Variants in SRGAP3 observed in about 807,000 individuals in gnomAD.
SRGAP3 encodes the protein SLIT-ROBO Rho GTPase-activating protein 3.
Under a neutral mutation model 121.1 loss-of-function variants are expected in SRGAP3, and 39 were observed. The observed-to-expected ratio is 0.32, with a 90% CI of 0.25 to 0.42. The LOEUF is 0.42. SRGAP3 is among the 10% of genes least tolerant of loss of function. SRGAP3 has a pLI of 1.00. For missense variants in SRGAP3, 1,213 were observed against 1,470.6 expected (o/e 0.82, Z 2.86); for synonymous variants, 601 against 570.0 (o/e 1.05, Z -0.77).
chr3:9,355,276 A>G (rs1351104346), intron 1 of SRGAP3, among the ~76,000 whole-genome samples: 1 of 152,212 alleles, frequency 6.6e-6, no homozygotes, highest in Non-Finnish European at 1.5e-5. Flanking sequence ...AGATATCATC[A>G]TCTCTCACTT....
At chr3:9,196,076 A>T (rs1951907090) in intron 1 of SRGAP3, among the ~76,000 whole-genome samples, 1 of 152,236 alleles carries the variant, frequency 6.6e-6, no homozygotes, top group South Asian at 2.1e-4. Context: ...AGCTTTCTGC[A>T]GGAGGTGGGA....
At position 9,032,757 on chromosome 3, in the gene SRGAP3, G is replaced by C; in HGVS notation, c.1437-5C>G. ...TTAGGGGGAAGACAGGGGGGCCTAG[G>C]GGAAAACGGAACAAAAGAAATCAAG... is the stretch of plus-strand genomic sequence containing the variant. On this transcript the variant is annotated splice_region_variant and splice_polypyrimidine_tract_variant and intron_variant, in intron 11 of 21. Transcript: ENST00000383836. 1 of 1,612,920 alleles carries C rather than the reference G, an allele frequency of 6.2e-7. No individual in the cohort carries two copies. The highest frequency in any genetic ancestry group is 8.5e-7 in the Non-Finnish European group (1 of 1,179,198).
At chr3:9,232,938 T>C (rs1376872976) in intron 1 of SRGAP3, among the ~76,000 whole-genome samples, 1 of 152,202 alleles carries the variant, frequency 6.6e-6, no homozygotes, top group Middle Eastern at 3.2e-3. Flanking sequence ...CAGCTACCCA[T>C]GCTGCCAACT....
chr3:9,184,318 G>A (rs1951526936), intron 1 of SRGAP3, among the ~76,000 whole-genome samples: 1 of 152,142 alleles, frequency 6.6e-6, no homozygotes. Context: ...AAGGGGATTA[G>A]ACATAGAGAC....
At chr3:8,986,496 T>A (rs2124904339) in intron 21 of SRGAP3, among the ~76,000 whole-genome samples, 1 of 152,360 alleles carries the variant, frequency 6.6e-6, no homozygotes, top group East Asian at 1.9e-4. Context: ...AGGTAGGAAC[T>A]ACCTTTATGC....
At chr3:9,131,986 G>A (rs962937054) in intron 1 of SRGAP3, among the ~76,000 whole-genome samples, 7 of 152,152 alleles carry the variant, frequency 4.6e-5, no homozygotes, top group African/African-American at 7.2e-5. Flanking sequence ...CAAACAGCCC[G>A]TGTGACCCAC....
intron 1 of SRGAP3, among the ~76,000 whole-genome samples, chr3:9,243,062 A>G (rs1342037259): frequency 6.6e-6 from 1 of 152,200 alleles, no homozygotes; most frequent in African/African-American, 2.4e-5. Context: ...AAAGATGACC[A>G]TAAGCCTCTC....
rs1945936614 is a variant in SRGAP3 at position 9,058,309 on chromosome 3, C to G, written c.965G>C (p.Cys322Ser). The change falls in exon 7 of 22, where the codon TGC (cysteine) becomes TCC (serine). Residue 322 changes from cysteine to serine, a missense_variant. Around this residue, in one of 2 missense-constraint regions of SRGAP3, gnomAD observed 793 missense variants for 1,032.9 expected, o/e 0.77. Coordinates refer to ENST00000383836, the MANE Select transcript of SRGAP3 (RefSeq NM_014850.4). ...RSDKHTVMDM[C>S]NQVFCPPLKF... is the part of the protein sequence containing the mutation. ...GAGTGGAGGGCAGAAGACTTGATTG[C>G]ACATGTCCATGACTGTGTGCTTGTC... 6.2e-7 allele frequency: 1 copy of G among 1,614,132 alleles called. No homozygotes were observed. The highest frequency in any genetic ancestry group is 1.3e-5 in the African/African-American group (1 of 74,942).
At chr3:9,345,308 C>G (rs1205373170) in intron 1 of SRGAP3, among the ~76,000 whole-genome samples, 1 of 151,338 alleles carries the variant, frequency 6.6e-6, no homozygotes, top group Non-Finnish European at 1.5e-5. Flanking sequence ...CTGGACAAAA[C>G]AGGGAGACAC....
chr3:9,153,970 C>T (rs771044678), intron 1 of SRGAP3, among the ~76,000 whole-genome samples: 28 of 152,056 alleles, frequency 1.8e-4, no homozygotes, highest in Non-Finnish European at 3.5e-4. Context: ...CAGCTTCCCC[C>T]CACCACTCCC....
At chr3:9,308,382 A>G (rs1052891109) in intron 3 of SRGAP3, among the ~76,000 whole-genome samples, 1 of 152,208 alleles carries the variant, frequency 6.6e-6, no homozygotes, top group African/African-American at 2.4e-5. Flanking sequence ...TTTCACTTTG[A>G]AAAACAAAAT....
intron 3 of SRGAP3, among the ~76,000 whole-genome samples, chr3:9,102,338 T>C (rs1179094920): frequency 6.6e-6 from 1 of 152,164 alleles, no homozygotes; most frequent in Non-Finnish European, 1.5e-5. Flanking sequence ...GGTGCAGTGA[T>C]AGGCAGTTCT....
intron 1 of SRGAP3, among the ~76,000 whole-genome samples, chr3:9,187,975 T>C (rs1471269732): frequency 1.3e-5 from 2 of 152,142 alleles, no homozygotes; most frequent in Non-Finnish European, 2.9e-5. Context: ...AACAATAGAT[T>C]TGGAATGGGA....
chr3:8,994,784 T>C (rs896485969), intron 18 of SRGAP3, among the ~76,000 whole-genome samples: 2 of 152,202 alleles, frequency 1.3e-5, no homozygotes, highest in Non-Finnish European at 2.9e-5. Context: ...CCACTGCCCT[T>C]CTTGTTCTCT....
At chr3:9,141,571 TGTG>T (rs1949852264) in intron 1 of SRGAP3, among the ~76,000 whole-genome samples, 1 of 150,568 alleles carries the variant, frequency 6.6e-6, no homozygotes, top group Non-Finnish European at 1.5e-5. Flanking sequence ...TGTGTGTGTG[TGTG>T]TGTGTGTGTG....
At chr3:9,201,103 G>A (rs977283372) in intron 1 of SRGAP3, among the ~76,000 whole-genome samples, 1 of 152,136 alleles carries the variant, frequency 6.6e-6, no homozygotes, top group African/African-American at 2.4e-5. Context: ...CCCCATTCAG[G>A]CACACACCAT....
rs637172 is a variant in SRGAP3 at position 8,994,326 on chromosome 3, T to C, written c.2408+17A>G. 1.5e-5 allele frequency: 24 copies of C among 1,613,452 alleles called. No individual in the cohort carries two copies. Among genetic ancestry groups the C allele is most frequent in the Non-Finnish European group, 2.0e-5 (24 of 1,179,972 alleles). On this transcript the variant is annotated intron_variant, in intron 19 of 21. Transcript: ENST00000383836. Reference sequence around the variant, plus strand: ...ATCTATTTCGGCATTCTTCACAGAATTCTCGACTCCACTCACATGTCCTGT... The same window carrying C: ...ATCTATTTCGGCATTCTTCACAGAACTCTCGACTCCACTCACATGTCCTGT...
At chr3:9,060,868 C>T (rs906091850) in intron 5 of SRGAP3, among the ~76,000 whole-genome samples, 2 of 152,324 alleles carry the variant, frequency 1.3e-5, no homozygotes, top group South Asian at 4.1e-4. Flanking sequence ...CTTACACCTG[C>T]ACCTTGCACC....
At chr3:9,276,155 C>T (rs988303513) in intron 3 of SRGAP3, among the ~76,000 whole-genome samples, 18 of 152,204 alleles carry the variant, frequency 1.2e-4, no homozygotes, top group Non-Finnish European at 2.2e-4. Flanking sequence ...CAGATGCTCA[C>T]CAGAAGCCAT....
Sources: gnomAD v4.1 joint callset for allele counts (sites outside exome capture counted in the v4.1 genomes callset) on GRCh38, gnomAD v4.1.1 for gene constraint, gnomAD v4.1.1 regional missense constraint, MANE v1.5 for transcripts, NCBI Gene and HGNC (gene_info 2026-07-23, HGNC 2026-07-21) for gene names.